Variants in CMTM4 observed in about 807,000 individuals in gnomAD.
The protein encoded by CMTM4 is CKLF-like MARVEL transmembrane domain-containing protein 4.
Under a neutral mutation model 19.0 loss-of-function variants are expected in CMTM4, and 8 were observed. The ratio of observed to expected loss-of-function variants is 0.42; its 90% confidence interval spans 0.25 to 0.76. The LOEUF is 0.76. Among genes scored for constraint, CMTM4 ranks in the 30% least tolerant of loss-of-function variants. The pLI, the probability that CMTM4 is intolerant of heterozygous loss-of-function variation, is 0.27. For missense variants in CMTM4, 228 were observed against 290.2 expected, an observed-to-expected ratio of 0.79 and a Z score of 1.56; for synonymous variants, 106 against 121.1, an observed-to-expected ratio of 0.88 and a Z score of 0.82.
At chr16:66,654,837 T>C (rs2016369296) in intron 1 of CMTM4, among the ~76,000 whole-genome samples, 1 of 152,228 alleles carries the variant, frequency 6.6e-6, no homozygotes, top group Non-Finnish European at 1.5e-5. Flanking sequence ...CTTTGCACCA[T>C]GCCCAAGAGT....
rs767484070 is a variant in CMTM4 at position 66,618,563 on chromosome 16, G to A, written c.*3495C>T. On this transcript the variant is annotated 3_prime_UTR_variant, in exon 4 of 4. Transcript: ENST00000394106. ...CATGTGAATCTACAAGAAAAGGTAC[G>A]CCTGGGCCACACGCAGGACATGGCA... is the stretch of plus-strand genomic sequence containing the variant. The A allele has an allele frequency of 3.1e-5, 31 of 985,328 alleles. No homozygotes were observed. Among genetic ancestry groups the A allele is most frequent in the Non-Finnish European group, 3.6e-5 (30 of 829,984 alleles). The allele number at this position is 985,328 out of a possible 1,614,324, so 61.0% of individuals were successfully genotyped here.
At chr16:66,635,588 G>A (rs61194351) in intron 2 of CMTM4, among the ~76,000 whole-genome samples, 6,652 of 152,180 alleles carry the variant, frequency 0.044, 267 homozygotes, top group East Asian at 0.16. Flanking sequence ...AGGGTAGCTG[G>A]TCTGAGGCGC....
the CMTM4 span, among the ~76,000 whole-genome samples, chr16:66,606,888 G>T: frequency 1.8e-4 from 27 of 152,196 alleles, no homozygotes; most frequent in Non-Finnish European, 4.0e-4. Flanking sequence ...AGCTACTCGG[G>T]AAGGCTGAGG....
the CMTM4 span, among the ~76,000 whole-genome samples, chr16:66,603,586 C>T: frequency 6.6e-6 from 1 of 152,166 alleles, no homozygotes; most frequent in African/African-American, 2.4e-5. Context: ...AGCGCCTGAC[C>T]TTCTATTTTT....
rs569147739 is a variant in CMTM4 at position 66,618,398 on chromosome 16, G to A, written c.*3660C>T. On this transcript the variant is annotated 3_prime_UTR_variant, in exon 4 of 4. Transcript: ENST00000394106. ...GGAACCCTTAAATCATCACTGCCTT[G>A]CAGAATCACTAAATTGTTCAGGTGT... The A allele has an allele frequency of 7.8e-5, 77 of 985,446 alleles. No individual in the cohort carries two copies. The South Asian group carries it at 2.9e-3, about 37-fold the overall frequency. 61.0% of individuals were successfully genotyped at this position (985,446 alleles called of 1,614,324 possible).
chr16:66,654,467 C>A (rs2016363323), intron 1 of CMTM4, among the ~76,000 whole-genome samples: 1 of 152,196 alleles, frequency 6.6e-6, no homozygotes, highest in Non-Finnish European at 1.5e-5. Context: ...GACTCACACT[C>A]CCAAATTCAC....
chr16:66,624,934 T>C (rs911764693), intron 2 of CMTM4, among the ~76,000 whole-genome samples: 1 of 152,174 alleles, frequency 6.6e-6, no homozygotes, highest in African/African-American at 2.4e-5. Flanking sequence ...GGCAAATTTT[T>C]CACAAATTCA....
At position 66,619,878 on chromosome 16, in the gene CMTM4, A is replaced by G; in HGVS notation, c.*2180T>C. The G allele has an allele frequency of 1.0e-6, 1 of 985,418 alleles. No homozygotes were observed. The highest frequency in any genetic ancestry group is 4.7e-5 in the South Asian group (1 of 21,286). The allele number at this position is 985,418 out of a possible 1,614,324, so 61.0% of individuals were successfully genotyped here. ...ATCACGAAGATGCAAATTAACTCCT[A>G]AGTCACTCTCTGGCGTGTCATCCTT... On this transcript the variant is annotated 3_prime_UTR_variant, in exon 4 of 4. Coordinates refer to ENST00000394106, the MANE Select transcript of CMTM4 (RefSeq NM_181521.3).
At chr16:66,657,757 T>G (rs1053491224) in intron 1 of CMTM4, among the ~76,000 whole-genome samples, 2 of 152,232 alleles carry the variant, frequency 1.3e-5, no homozygotes, top group African/African-American at 4.8e-5. Flanking sequence ...CCTTTAGAGG[T>G]TGCTAAAGCA....
chr16:66,691,954 G>A (rs982004236), intron 1 of CMTM4, among the ~76,000 whole-genome samples: 4 of 152,076 alleles, frequency 2.6e-5, no homozygotes, highest in African/African-American at 4.8e-5. Flanking sequence ...TACCTAATAC[G>A]GTAGGTACTA....
chr16:66,636,001 C>T (rs1316207250), intron 2 of CMTM4, among the ~76,000 whole-genome samples: 1 of 152,206 alleles, frequency 6.6e-6, no homozygotes, highest in Non-Finnish European at 1.5e-5. Context: ...CTGTAAGTTA[C>T]TGGCATTTTC....
In CMTM4 at chr16:66,619,236, C is replaced by A; in HGVS notation, c.*2822G>T. The A allele has an allele frequency of 3.0e-6, 3 of 985,404 alleles. No homozygotes were observed. Among genetic ancestry groups the A allele is most frequent in the Non-Finnish European group, 3.6e-6 (3 of 829,936 alleles). The allele number at this position is 985,404 out of a possible 1,614,324, so 61.0% of individuals were successfully genotyped here. A position where few individuals can be genotyped will look rare whatever the true frequency, so the allele number is the denominator to read the frequency against. ...CAAAGAGAATCAGAGGGAAAAAATA[C>A]CAAATCCACCCAATCAGTGCCAAAA... On this transcript the variant is annotated 3_prime_UTR_variant, in exon 4 of 4. Transcript: ENST00000394106.
intron 1 of CMTM4, among the ~76,000 whole-genome samples, chr16:66,643,271 A>G (rs983512808): frequency 2.6e-5 from 4 of 152,294 alleles, no homozygotes; most frequent in South Asian, 2.1e-4. Context: ...TGAGGGATAC[A>G]TTAAATTTGG....
intron 1 of CMTM4, among the ~76,000 whole-genome samples, chr16:66,663,411 C>A (rs546231023): frequency 6.6e-6 from 1 of 150,626 alleles, no homozygotes; most frequent in South Asian, 2.1e-4. Flanking sequence ...GAGGCTGAAG[C>A]GGGAGGATTA....
chr16:66,651,607 C>T (rs2016312601), intron 1 of CMTM4, among the ~76,000 whole-genome samples: 2 of 152,192 alleles, frequency 1.3e-5, no homozygotes, highest in African/African-American at 4.8e-5. Context: ...TATCCAGAGT[C>T]TTCCCACCCC....
chr16:66,609,104 T>C, the CMTM4 span, among the ~76,000 whole-genome samples: 1 of 152,116 alleles, frequency 6.6e-6, no homozygotes, highest in African/African-American at 2.4e-5. The surrounding 1 kb of genome is among the most constrained non-coding windows in gnomAD (Gnocchi z 4.4). Flanking sequence ...ATCTCCCCAA[T>C]GGAGAGCGGG....
intron 1 of CMTM4, among the ~76,000 whole-genome samples, chr16:66,645,536 C>A (rs1284223576): frequency 6.6e-6 from 1 of 152,070 alleles, no homozygotes; most frequent in Non-Finnish European, 1.5e-5. Context: ...AAGATTGCGC[C>A]ACTGCATTCC....
At chr16:66,641,938 A>G (rs1309764204) in intron 1 of CMTM4, among the ~76,000 whole-genome samples, 1 of 152,244 alleles carries the variant, frequency 6.6e-6, no homozygotes, top group Non-Finnish European at 1.5e-5. Context: ...TTTAATAATT[A>G]CATGTATTCA....
chr16:66,666,037 A>G (rs989673921), intron 1 of CMTM4, among the ~76,000 whole-genome samples: 1 of 151,632 alleles, frequency 6.6e-6, no homozygotes, highest in Admixed American at 6.6e-5. Flanking sequence ...GCACCACTGC[A>G]CTCCAGCCTG....
Sources: allele counts gnomAD v4.1 joint callset (sites outside exome capture counted in the v4.1 genomes callset), GRCh38; gene constraint gnomAD v4.1.1; non-coding constraint Gnocchi (gnomAD v3.1); transcripts MANE v1.5; gene names NCBI Gene and HGNC (gene_info 2026-07-23, HGNC 2026-07-21).